Variants in ERC1 observed in about 807,000 individuals in gnomAD.
ERC1 encodes ELKS/RAB6-interacting/CAST family member 1.
Under a neutral mutation model 132.0 loss-of-function variants are expected in ERC1, and 56 were observed. That is an observed-to-expected ratio of 0.42 (90% CI 0.34 to 0.53). The LOEUF (loss-of-function observed/expected upper bound fraction) is 0.53, where lower values mean the gene tolerates loss of function less well. ERC1 is among the 20% of genes least tolerant of loss of function. The pLI, the probability that ERC1 is intolerant of heterozygous loss-of-function variation, is 0.03. For synonymous variants in ERC1, 478 were observed against 476.1 expected, an observed-to-expected ratio of 1.00 and a Z score of -0.05; for missense variants, 1,202 against 1,349.9, an observed-to-expected ratio of 0.89 and a Z score of 1.72.
chr12:1,151,624 C>T (rs1950845828), intron 8 of ERC1, among the ~76,000 whole-genome samples: 1 of 152,150 alleles, frequency 6.6e-6, no homozygotes, highest in African/African-American at 2.4e-5. Context: ...ATCCTTTGAG[C>T]CAGGGTTCTT....
intron 16 of ERC1, among the ~76,000 whole-genome samples, chr12:1,396,502 T>C (rs924113690): frequency 1.3e-5 from 2 of 152,204 alleles, no homozygotes; most frequent in African/African-American, 4.8e-5. Flanking sequence ...GCAGCCCTCA[T>C]AAACTCAAAT....
At chr12:1,003,377 TC>T (rs1478442182) in intron 1 of ERC1, among the ~76,000 whole-genome samples, 2 of 152,214 alleles carry the variant, frequency 1.3e-5, no homozygotes, top group Non-Finnish European at 1.5e-5. Context: ...AATGTTATTT[TC>T]CATTACTTGT....
chr12:996,249 C>CTTTTTTTTTTTT lies in ERC1; in HGVS notation c.-157+4942_-157+4953dup, dbSNP rs35403554. Among the ~76,000 whole-genome samples the CTTTTTTTTTTTT allele has an allele frequency of 3.2e-4, 14 of 43,768 alleles. 1 individual carries two copies. The highest frequency in any genetic ancestry group is 1.2e-3 in the South Asian group (1 of 866). 28.7% of individuals were successfully genotyped at this position (43,768 alleles called of 152,430 possible). Reference sequence around the variant, plus strand: ...TACAGGTGCCCGCCACCATGCCTGGCTTTTTTTTTTTTTTTTTTTTTTTTT... The same window carrying CTTTTTTTTTTTT: ...TACAGGTGCCCGCCACCATGCCTGGCTTTTTTTTTTTTTTTTTTTTTTTTTTTTTTTTTTTTT... On this transcript the variant is annotated intron_variant, in intron 1 of 18. Transcript: ENST00000360905.
chr12:1,235,911 C>A (rs896836553), intron 12 of ERC1, among the ~76,000 whole-genome samples: 1 of 152,138 alleles, frequency 6.6e-6, no homozygotes, highest in African/African-American at 2.4e-5. Context: ...ATGCAATTGT[C>A]ATCTTCTGGG....
intron 15 of ERC1, among the ~76,000 whole-genome samples, chr12:1,327,974 A>G (rs1176017446): frequency 6.6e-6 from 1 of 152,048 alleles, no homozygotes; most frequent in African/African-American, 2.4e-5. Flanking sequence ...AGCTTTTTCA[A>G]CCTTTGAGAC....
At chr12:1,016,861 G>A (rs1469981615) in intron 1 of ERC1, among the ~76,000 whole-genome samples, 8 of 152,002 alleles carry the variant, frequency 5.3e-5, no homozygotes, top group African/African-American at 1.9e-4. Context: ...ATGTTAGCCA[G>A]GCTGGTCTCA....
intron 7 of ERC1, among the ~76,000 whole-genome samples, chr12:1,122,853 A>C (rs138696697): frequency 0.018 from 2,705 of 152,204 alleles, 39 homozygotes; most frequent in Non-Finnish European, 0.029. Context: ...GCAGGGTGAC[A>C]CTGGTATGAT....
intron 8 of ERC1, among the ~76,000 whole-genome samples, chr12:1,177,102 A>T (rs1073938): frequency 0.2 from 30,254 of 151,988 alleles, 3,578 homozygotes; most frequent in Non-Finnish European, 0.27. Context: ...ACCTCTCTCA[A>T]TCTTCATTGA....
chr12:1,286,397 A>G (rs2079049177), intron 14 of ERC1, among the ~76,000 whole-genome samples: 1 of 152,162 alleles, frequency 6.6e-6, no homozygotes, highest in African/African-American at 2.4e-5. Flanking sequence ...AAAATTTAAC[A>G]TTCATTTATA....
intron 13 of ERC1, among the ~76,000 whole-genome samples, chr12:1,254,722 A>G (rs964176940): frequency 5.3e-5 from 8 of 152,174 alleles, no homozygotes; most frequent in African/African-American, 1.9e-4. Context: ...CATGTTGGCC[A>G]GGCTGGTCTT....
intron 8 of ERC1, among the ~76,000 whole-genome samples, chr12:1,171,356 CT>C (rs57007848): frequency 0.074 from 6,465 of 87,444 alleles, 176 homozygotes; most frequent in African/African-American, 0.16. Context: ...GCAAAACATT[CT>C]TTTTTTTTTT....
intron 3 of ERC1, among the ~76,000 whole-genome samples, chr12:1,091,998 A>ATTTT (rs1257379725): frequency 9.7e-5 from 10 of 103,362 alleles, no homozygotes; most frequent in Non-Finnish European, 2.0e-4. Context: ...CATTTAATCA[A>ATTTT]TTCTTTTTTT....
In ERC1 at chr12:1,341,359, A is replaced by G. The variant is rs116890896; in HGVS notation, c.2781-30474A>G. On this transcript the variant is annotated intron_variant, in intron 15 of 18. Transcript: ENST00000360905. ...AAATCATGCTACTATAAAGACATGCACACATATGTTTATTTCGGCACTATT... is the reference window on the plus strand; with the variant it reads ...AAATCATGCTACTATAAAGACATGCGCACATATGTTTATTTCGGCACTATT... Among the ~76,000 whole-genome samples the G allele has an allele frequency of 2.1e-4, 32 of 151,880 alleles. No individual in the cohort carries two copies. The East Asian group carries it at 5.6e-3, about 27-fold the overall frequency.
At chr12:1,426,692 T>C (rs1234451381) in intron 17 of ERC1, among the ~76,000 whole-genome samples, 1 of 152,200 alleles carries the variant, frequency 6.6e-6, no homozygotes, top group Non-Finnish European at 1.5e-5. Context: ...ATGCATACTA[T>C]TGCAGATTTG....
intron 17 of ERC1, among the ~76,000 whole-genome samples, chr12:1,420,925 G>C (rs184589591): frequency 1.4e-5 from 2 of 145,448 alleles, no homozygotes; most frequent in Admixed American, 6.8e-5. Context: ...GGTTTGGGGG[G>C]GGGGGGGGTT....
intron 12 of ERC1, among the ~76,000 whole-genome samples, chr12:1,218,915 C>G (rs1958695222): frequency 1.3e-5 from 2 of 151,896 alleles, no homozygotes; most frequent in South Asian, 4.2e-4. Context: ...CTCTGTCGCC[C>G]AGGCTGGAGG....
At chr12:1,190,189 T>G in intron 12 of ERC1, 137 bp downstream of exon 12, 1 of 830,668 alleles carries the variant, frequency 1.2e-6, no homozygotes, top group South Asian at 1.3e-5. Flanking sequence ...ATTAGCTGCC[T>G]TTTTTCTAGG....
intron 15 of ERC1, among the ~76,000 whole-genome samples, chr12:1,362,990 T>C (rs1209287224): frequency 6.6e-6 from 1 of 152,244 alleles, no homozygotes; most frequent in Non-Finnish European, 1.5e-5. Context: ...AGGAATAATA[T>C]AAATACAATA....
chr12:1,147,703 C>T lies in ERC1; in HGVS notation c.1737+5916C>T, dbSNP rs552420066. On this transcript the variant is annotated intron_variant, in intron 8 of 18. Coordinates refer to ENST00000360905, the MANE Select transcript of ERC1 (RefSeq NM_178040.4). ...AGTAAAATACGAATTTTTAAAATTT[C>T]GCTGGTTATTGCAGTTGTGGAGTTT... 1.4e-4 allele frequency among the ~76,000 whole-genome samples: 21 copies of T among 152,152 alleles called. No individual in the cohort carries two copies. In the South Asian group the frequency reaches 2.5e-3, roughly 18 times the overall value.
Sources: allele counts gnomAD v4.1 joint callset (sites outside exome capture counted in the v4.1 genomes callset), GRCh38; gene constraint gnomAD v4.1.1; transcripts MANE v1.5; gene names NCBI Gene and HGNC (gene_info 2026-07-23, HGNC 2026-07-21).